ARHGEF3: variants seen among roughly 807,000 people sequenced by gnomAD.
The protein encoded by ARHGEF3 is 59.8 kDA protein.
ARHGEF3 carries 28 observed loss-of-function variants against 63.2 expected under a neutral mutation model. The ratio of observed to expected loss-of-function variants is 0.44; its 90% CI spans 0.33 to 0.61. ARHGEF3 has a LOEUF of 0.61. ARHGEF3 is among the 20% of genes least tolerant of loss of function. The pLI is 0.03. For missense variants in ARHGEF3, 533 were observed against 659.3 expected (o/e 0.81, Z 2.10); for synonymous variants, 266 against 254.2 (o/e 1.05, Z -0.44).
intron 9 of ARHGEF3, chr3:56,731,917 A>G: frequency 1.8e-6 from 1 of 542,368 alleles, no homozygotes; most frequent in Non-Finnish European, 3.3e-6. Flanking sequence ...TCTGGTATTA[A>G]GCATGTTTTT....
At chr3:56,996,071 C>T (rs1333929056) in intron 2 of ARHGEF3, among the ~76,000 whole-genome samples, 1 of 152,166 alleles carries the variant, frequency 6.6e-6, no homozygotes, top group East Asian at 1.9e-4. Flanking sequence ...GCACAGCCCC[C>T]ATGAGATTGC....
chr3:56,992,180 C>A (rs1232106054), intron 2 of ARHGEF3, among the ~76,000 whole-genome samples: 1 of 151,276 alleles, frequency 6.6e-6, no homozygotes, highest in Non-Finnish European at 1.5e-5. Flanking sequence ...GCTTTCTCAT[C>A]CTCATCCTGC....
intron 3 of ARHGEF3, among the ~76,000 whole-genome samples, chr3:56,884,466 C>T (rs908359756): frequency 6.6e-6 from 1 of 152,188 alleles, no homozygotes; most frequent in Non-Finnish European, 1.5e-5. Context: ...AGAGCAGTGG[C>T]GTTCTACATA....
rs1159985048 is a variant in ARHGEF3, at chr3:57,002,479, T to TTATATATATATATATATA, written c.62+32608_62+32609insTATATATATATATATATA. ...TCTAAGCACTATATATATATATATG[T>TTATATATATATATATATA]TATATATATATATATATGTTATATA... On this transcript the variant is annotated intron_variant, in intron 2 of 12. Transcript: ENST00000338458. Among the ~76,000 whole-genome samples, 13 of 39,464 alleles carry TTATATATATATATATATA rather than the reference T, an allele frequency of 3.3e-4. 1 individual carries two copies. Among genetic ancestry groups the TTATATATATATATATATA allele is most frequent in the African/African-American group, 1.2e-3 (8 of 6,688 alleles). The allele number at this position is 39,464 out of a possible 152,430, so 25.9% of individuals were successfully genotyped here. A position where few individuals can be genotyped will look rare whatever the true frequency, so the allele number is the denominator to read the frequency against.
At chr3:56,984,293 C>G (rs750386452) in intron 2 of ARHGEF3, among the ~76,000 whole-genome samples, 1 of 152,160 alleles carries the variant, frequency 6.6e-6, no homozygotes, top group Non-Finnish European at 1.5e-5. Flanking sequence ...CAGTAACTCC[C>G]CAAGGGCAGG....
At chr3:57,072,682 CAGTG>C (rs901943935) in intron 1 of ARHGEF3, among the ~76,000 whole-genome samples, 2 of 140,158 alleles carry the variant, frequency 1.4e-5, no homozygotes, top group African/African-American at 5.4e-5. Context: ...GCAGAGGTTG[CAGTG>C]AGCTGAGATA....
chr3:56,802,514 T>A (rs1444845688), upstream of ARHGEF3, among the ~76,000 whole-genome samples: 1 of 152,316 alleles, frequency 6.6e-6, no homozygotes, highest in East Asian at 1.9e-4. Flanking sequence ...TTTGTTGAGT[T>A]CTGACAAATG....
rs371307176 is a variant in ARHGEF3 at position 56,971,505 on chromosome 3, G to T, written c.63-12616C>A. On this transcript the variant is annotated intron_variant, in intron 2 of 12. Transcript: ENST00000338458. Reference sequence around the variant, plus strand: ...GGATACCGGCCATGAGGGATTTAATGAGAGATGGACAGTCAGGCCCCAACA... The same window carrying T: ...GGATACCGGCCATGAGGGATTTAATTAGAGATGGACAGTCAGGCCCCAACA... 6.8e-4 allele frequency among the ~76,000 whole-genome samples: 104 copies of T among 152,230 alleles called. 1 individual carries two copies. Among genetic ancestry groups the T allele is most frequent in the African/African-American group, 2.4e-3 (100 of 41,530 alleles).
At chr3:56,896,807 A>G (rs2041317683) in intron 3 of ARHGEF3, among the ~76,000 whole-genome samples, 1 of 152,218 alleles carries the variant, frequency 6.6e-6, no homozygotes, top group South Asian at 2.1e-4. Flanking sequence ...CAGGAATATG[A>G]CAGAAGTGAC....
chr3:57,073,364 A>C (rs1043941428), intron 1 of ARHGEF3: 4 of 258,778 alleles, frequency 1.5e-5, no homozygotes, highest in Non-Finnish European at 2.9e-5. Context: ...TTATGTTTCT[A>C]GCCAAAAGGG....
chr3:56,868,484 TC>T (rs1056083321), intron 4 of ARHGEF3, among the ~76,000 whole-genome samples: 9 of 151,718 alleles, frequency 5.9e-5, no homozygotes, highest in African/African-American at 2.2e-4. Context: ...TGCCTCATCC[TC>T]CCAAGTAGCT....
chr3:56,957,495 T>C (rs560347122), intron 3 of ARHGEF3, among the ~76,000 whole-genome samples: 1 of 152,328 alleles, frequency 6.6e-6, no homozygotes, highest in African/African-American at 2.4e-5. Flanking sequence ...TAATTAAGCA[T>C]ACATGTGCTA....
At chr3:57,030,884 C>T (rs914995311) in intron 2 of ARHGEF3, among the ~76,000 whole-genome samples, 1 of 152,192 alleles carries the variant, frequency 6.6e-6, no homozygotes, top group South Asian at 2.1e-4. Flanking sequence ...AATAGTCCTC[C>T]TCACAATAAA....
chr3:57,017,329 G>A lies in ARHGEF3; in HGVS notation c.62+17759C>T, dbSNP rs1018010679. Among the ~76,000 whole-genome samples, 10 of 152,152 alleles carry A rather than the reference G, an allele frequency of 6.6e-5. No homozygotes were observed. In the East Asian group the frequency reaches 1.7e-3, roughly 26 times the overall value. ...CCAGAAAGCCAGGGCCATGTAAATG[G>A]CTGTTACTGTACCAGTCCCTGGAAA... On this transcript the variant is annotated intron_variant, in intron 2 of 12. Coordinates refer to the ARHGEF3 transcript ENST00000338458.
At chr3:56,888,460 G>C (rs1578766472) in intron 3 of ARHGEF3, among the ~76,000 whole-genome samples, 1 of 152,118 alleles carries the variant, frequency 6.6e-6, no homozygotes, top group African/African-American at 2.4e-5. Context: ...TATGGGGGTG[G>C]GGAGAAAGGC....
At chr3:56,828,853 T>C (rs2038829758) in intron 4 of ARHGEF3, among the ~76,000 whole-genome samples, 1 of 152,160 alleles carries the variant, frequency 6.6e-6, no homozygotes, top group Non-Finnish European at 1.5e-5. Flanking sequence ...AAGAGATCCC[T>C]TGTATGGTTG....
At chr3:56,794,317 G>A (rs2037232041) in intron 1 of ARHGEF3, among the ~76,000 whole-genome samples, 1 of 151,862 alleles carries the variant, frequency 6.6e-6, no homozygotes, top group Non-Finnish European at 1.5e-5. Context: ...GTGAAACCCT[G>A]TTTCTACTAA....
At chr3:57,041,954 AC>A (rs1486581876) in intron 1 of ARHGEF3, among the ~76,000 whole-genome samples, 1 of 152,010 alleles carries the variant, frequency 6.6e-6, no homozygotes, top group East Asian at 1.9e-4. Context: ...CGAGGCCACC[AC>A]CCCCGAGGGC....
intron 3 of ARHGEF3, among the ~76,000 whole-genome samples, chr3:56,927,918 T>A (rs1305009708): frequency 6.6e-6 from 1 of 152,150 alleles, no homozygotes; most frequent in African/African-American, 2.4e-5. Context: ...GAATCAAAAA[T>A]GATTATGATG....
Sources: gnomAD v4.1 joint callset for allele counts (sites outside exome capture counted in the v4.1 genomes callset) on GRCh38, gnomAD v4.1.1 for gene constraint, MANE v1.5 for transcripts, NCBI Gene and HGNC (gene_info 2026-07-23, HGNC 2026-07-21) for gene names.